The following INO80C variants were observed in gnomAD, a reference collection of about 807,000 sequenced individuals.
INO80C encodes the protein IES6 homolog.
A neutral mutation model predicts 17.7 loss-of-function variants in INO80C; 17 were observed. The observed-to-expected ratio is 0.96, with a 90% confidence interval of 0.66 to 1.44. INO80C has a LOEUF of 1.44. INO80C is among the 40% of genes most tolerant of loss of function. The pLI is 0.00. For synonymous variants in INO80C, 96 were observed against 95.8 expected, an observed-to-expected ratio of 1.00 and a Z score of -0.01; for missense variants, 244 against 245.0, an observed-to-expected ratio of 1.00 and a Z score of 0.03.
intron 1 of INO80C, chr18:35,487,473 G>A (rs941846838): frequency 1.8e-5 from 5 of 277,768 alleles, no homozygotes; most frequent in South Asian, 5.7e-5. Flanking sequence ...GAGAATGAAA[G>A]CCAAGTGAAA....
intron 1 of INO80C, among the ~76,000 whole-genome samples, chr18:35,490,759 T>TTTGTTG (rs56389345): frequency 2.6e-5 from 4 of 151,172 alleles, no homozygotes; most frequent in Admixed American, 6.6e-5. Flanking sequence ...TTTTTATTAT[T>TTTGTTG]TTGTTGTTGT....
chr18:35,497,228 A>G, intron 1 of INO80C: 1 of 564,872 alleles, frequency 1.8e-6, no homozygotes. Flanking sequence ...AGTTAAGACC[A>G]AACCTGCCTT....
chr18:35,483,657 A>G (rs1270020966), intron 1 of INO80C: 1 of 152,230 alleles, frequency 6.6e-6, no homozygotes, highest in African/African-American at 2.4e-5. Flanking sequence ...ACAGGGTGGT[A>G]TGACTGAATG....
Position 35,468,353 on chromosome 18 carries a change from A to G in INO80C, c.*258T>C. The G allele has an allele frequency of 7.6e-7, 1 of 1,309,894 alleles. No individual in the cohort carries two copies. The highest frequency in any genetic ancestry group is 9.8e-7 in the Non-Finnish European group (1 of 1,024,844). 81.1% of individuals were successfully genotyped at this position (1,309,894 alleles called of 1,614,324 possible). ...TGGGATAAATGAAAAGTATGGTTTT[A>G]TTGTATCTTCTTGTCAAACACCTTT... On this transcript the variant is annotated 3_prime_UTR_variant, in exon 5 of 5. Transcript: ENST00000334598.
Position 35,497,718 on chromosome 18 carries a change from C to T in INO80C, c.156+1G>A, listed in dbSNP as rs755130929. On this transcript the variant is annotated splice_donor_variant, in intron 1 of 4. Coordinates refer to ENST00000334598, the MANE Select transcript of INO80C (RefSeq NM_194281.4). LOFTEE classifies it high-confidence loss of function. ...CGCAGCCTGGGAGCGCGACTGCGTA[C>T]CTGCGCAAAGCTGGAAGCGGACGCT... 1.9e-6 allele frequency: 3 copies of T among 1,611,314 alleles called. No homozygotes were observed. The highest frequency in any genetic ancestry group is 1.7e-6 in the Non-Finnish European group (2 of 1,179,078).
At chr18:35,492,633 C>G (rs2045943557) in intron 1 of INO80C, among the ~76,000 whole-genome samples, 1 of 152,074 alleles carries the variant, frequency 6.6e-6, no homozygotes, top group Non-Finnish European at 1.5e-5. Context: ...TTGTGTTTTA[C>G]AAAAGTTGAA....
At position 35,478,309 on chromosome 18, in the gene INO80C, C is replaced by T. The variant is rs750570245; in HGVS notation, c.420G>A (p.Lys140=). 3.1e-6 allele frequency: 5 copies of T among 1,601,266 alleles called. No homozygotes were observed. The South Asian group carries it at 5.5e-5, about 18-fold the overall frequency. ...GCAGACCTGAAACATCAGAATACTT[C>T]TTAGCTGGCTTAAAGGATGGAGGAG... ...IDAPPSFKPA[K]KYSDVSGLLA... The change falls in exon 4 of 5, where the codon AAG becomes AAA. Residue 140 remains lysine, a synonymous_variant. Coordinates refer to ENST00000334598, the MANE Select transcript of INO80C (RefSeq NM_194281.4).
At chr18:35,491,813 C>T (rs1055619106) in intron 1 of INO80C, among the ~76,000 whole-genome samples, 3 of 152,174 alleles carry the variant, frequency 2.0e-5, no homozygotes, top group African/African-American at 7.2e-5. Flanking sequence ...GATGAACTGT[C>T]CCGCCCCAAG....
chr18:35,490,809 G>C (rs753663047), intron 1 of INO80C, among the ~76,000 whole-genome samples: 3 of 152,264 alleles, frequency 2.0e-5, no homozygotes, highest in Non-Finnish European at 4.4e-5. Flanking sequence ...ACGCTGCAGT[G>C]CAGTGGCACA....
chr18:35,490,093 G>A (rs1281975718), intron 1 of INO80C, among the ~76,000 whole-genome samples: 1 of 152,216 alleles, frequency 6.6e-6, no homozygotes, highest in African/African-American at 2.4e-5. Context: ...TGAGAAGGAA[G>A]GTGGAGCTGG....
At chr18:35,488,465 T>C (rs1032386086) in intron 1 of INO80C, among the ~76,000 whole-genome samples, 2 of 147,966 alleles carry the variant, frequency 1.4e-5, no homozygotes, top group African/African-American at 5.0e-5. Context: ...TTGCACTCTC[T>C]GCAGCCGTGG....
intron 1 of INO80C, 109 bp downstream of exon 1, chr18:35,497,610 G>A (rs1219562951): frequency 2.7e-6 from 4 of 1,462,948 alleles, no homozygotes; most frequent in Non-Finnish European, 3.6e-6. Context: ...AACCCCAACG[G>A]AGACCGCACG....
rs1227636549 is a variant in INO80C, at chr18:35,468,358, ATCT to A, written c.*250_*252del. ...TAAATGAAAAGTATGGTTTTATTGT[ATCT>A]TCTTGTCAAACACCTTTACTTGAGG... On this transcript the variant is annotated 3_prime_UTR_variant, in exon 5 of 5. Transcript: ENST00000334598. 3 of 1,322,428 alleles carry A rather than the reference ATCT, an allele frequency of 2.3e-6. No homozygotes were observed. In the African/African-American group the frequency reaches 4.4e-5, roughly 20 times the overall value. 81.9% of individuals were successfully genotyped at this position (1,322,428 alleles called of 1,614,324 possible).
At chr18:35,494,590 GC>G (rs1460969496) in intron 1 of INO80C, among the ~76,000 whole-genome samples, 2 of 152,272 alleles carry the variant, frequency 1.3e-5, no homozygotes, top group Non-Finnish European at 2.9e-5. Flanking sequence ...GAAGACAGGG[GC>G]CCTGCAGTCC....
intron 1 of INO80C, among the ~76,000 whole-genome samples, chr18:35,494,861 C>T (rs765256444): frequency 3.3e-5 from 5 of 152,182 alleles, no homozygotes; most frequent in African/African-American, 1.2e-4. Context: ...AATGTATATA[C>T]GTCATTCTCT....
At chr18:35,493,928 T>A (rs1683710740) in intron 1 of INO80C, among the ~76,000 whole-genome samples, 2 of 152,166 alleles carry the variant, frequency 1.3e-5, no homozygotes, top group South Asian at 4.1e-4. Flanking sequence ...CTCCTCTAAC[T>A]CAAGAAATAC....
At chr18:35,494,937 G>A (rs1310443302) in intron 1 of INO80C, among the ~76,000 whole-genome samples, 1 of 152,202 alleles carries the variant, frequency 6.6e-6, no homozygotes, top group African/African-American at 2.4e-5. Context: ...GCATACTGCT[G>A]GGGATGGAAC....
chr18:35,497,862 T>C lies in INO80C; in HGVS notation c.13A>G (p.Ile5Val). Reference protein sequence around the residue: MAAQIPIVATTSTPG... With the variant: MAAQVPIVATTSTPG... ...GTGGAAGTGGTGGCCACAATTGGAA[T>C]TTGCGCCGCCATCGCACTCCGAGTC... The change falls in exon 1 of 5, where the codon ATT becomes GTT. Residue 5 changes from isoleucine (I) to valine (V), a missense_variant. Transcript: ENST00000334598. 1 of 1,572,256 alleles carries C rather than the reference T, an allele frequency of 6.4e-7. No homozygotes were observed. The highest frequency in any genetic ancestry group is 8.6e-7 in the Non-Finnish European group (1 of 1,156,634).
intron 1 of INO80C, chr18:35,497,504 A>C: frequency 7.3e-7 from 1 of 1,362,334 alleles, no homozygotes; most frequent in Non-Finnish European, 9.4e-7. Flanking sequence ...TAACCTCCCT[A>C]CTTCTTCTTC....
Sources: allele counts gnomAD v4.1 joint callset (sites outside exome capture counted in the v4.1 genomes callset), GRCh38; gene constraint gnomAD v4.1.1; transcripts MANE v1.5; gene names NCBI Gene and HGNC (gene_info 2026-07-23, HGNC 2026-07-21).